WDR20: variants seen among roughly 807,000 people sequenced by gnomAD.
The protein encoded by WDR20 is WD repeat domain 20.
A neutral mutation model predicts 38.7 loss-of-function variants in WDR20; 3 were observed. That is an observed-to-expected ratio of 0.08 (90% confidence interval 0.04 to 0.20). The LOEUF (loss-of-function observed/expected upper bound fraction) is 0.20, where lower values mean the gene tolerates loss of function less well. Among genes scored for constraint, WDR20 ranks in the 10% least tolerant of loss-of-function variants. The pLI is 1.00. For missense variants in WDR20, 559 were observed against 727.7 expected, an observed-to-expected ratio of 0.77 and a Z score of 2.67; for synonymous variants, 298 against 285.6, an observed-to-expected ratio of 1.04 and a Z score of -0.44.
chr14:102,170,938 T>A (rs1004067386), intron 1 of WDR20, among the ~76,000 whole-genome samples: 1 of 152,032 alleles, frequency 6.6e-6, no homozygotes, highest in Non-Finnish European at 1.5e-5. Flanking sequence ...TCCTCCTCCT[T>A]GGGAAATTTC....
intron 1 of WDR20, chr14:102,167,282 A>T (rs745804964): frequency 6.6e-6 from 1 of 152,164 alleles, no homozygotes; most frequent in Non-Finnish European, 1.5e-5. Flanking sequence ...CTGCAGTCAT[A>T]GCCCACCGGT....
At chr14:102,178,486 C>T (rs1189038923) in intron 1 of WDR20, among the ~76,000 whole-genome samples, 1 of 152,050 alleles carries the variant, frequency 6.6e-6, no homozygotes, top group Non-Finnish European at 1.5e-5. Flanking sequence ...TCTTCTCCCT[C>T]TCTTCCCTTA....
chr14:102,181,206 T>C (rs1048749908), intron 1 of WDR20, among the ~76,000 whole-genome samples: 3 of 152,166 alleles, frequency 2.0e-5, no homozygotes, highest in African/African-American at 7.2e-5. Flanking sequence ...CTGTAGTTCA[T>C]GGCACTGTGT....
At chr14:102,153,241 C>G (rs1401326567) in intron 1 of WDR20, among the ~76,000 whole-genome samples, 2 of 151,802 alleles carry the variant, frequency 1.3e-5, no homozygotes, top group Non-Finnish European at 2.9e-5. Context: ...TCACTAGAAG[C>G]TGAGTAGATG....
At chr14:102,183,786 A>G (rs2063915722) in intron 1 of WDR20, among the ~76,000 whole-genome samples, 1 of 152,192 alleles carries the variant, frequency 6.6e-6, no homozygotes, top group African/African-American at 2.4e-5. Flanking sequence ...GAAATTTAAA[A>G]TCATTTATGT....
chr14:102,197,235 A>G (rs1170910194), intron 2 of WDR20, among the ~76,000 whole-genome samples: 4 of 152,052 alleles, frequency 2.6e-5, no homozygotes, highest in African/African-American at 9.7e-5. Context: ...AATTCCAGAA[A>G]CTCATTGGTT....
At chr14:102,140,229 G>A (rs1474334598) in intron 1 of WDR20, 57 bp downstream of exon 1, 2 of 1,596,184 alleles carry the variant, frequency 1.3e-6, no homozygotes, top group Non-Finnish European at 1.7e-6. Flanking sequence ...GCCGGGAGCA[G>A]GGCGGTGACA....
intron 1 of WDR20, among the ~76,000 whole-genome samples, chr14:102,153,517 A>T (rs975419703): frequency 6.6e-6 from 1 of 152,006 alleles, no homozygotes; most frequent in South Asian, 2.1e-4. Flanking sequence ...CATGTTAGCC[A>T]GGATGGTCTC....
intron 2 of WDR20, among the ~76,000 whole-genome samples, chr14:102,205,804 GT>G (rs75426082): frequency 1.8e-3 from 253 of 139,904 alleles, no homozygotes; most frequent in Admixed American, 1.7e-3. Flanking sequence ...TCCAAGGTCG[GT>G]TTTTTTTTTT....
intron 1 of WDR20, among the ~76,000 whole-genome samples, chr14:102,183,060 C>G (rs909979892): frequency 2.0e-5 from 3 of 151,706 alleles, no homozygotes; most frequent in Non-Finnish European, 4.4e-5. Flanking sequence ...CTCTCCGTCT[C>G]AGAGAGAGAG....
Position 102,222,053 on chromosome 14 carries a change from C to T in WDR20, c.1693-777C>T, listed in dbSNP as rs1039011093. ...AAACCCTCTTAGGTTTACCCAAGGT[C>T]ACACCAGTATTGTAAAATCTGGGTG... On this transcript the variant is annotated intron_variant, in intron 3 of 3. Transcript: ENST00000335263. The surrounding 1 kb of genome is among the most constrained non-coding windows in gnomAD (Gnocchi z 4.4). Among the ~76,000 whole-genome samples the T allele has an allele frequency of 4.6e-5, 7 of 152,190 alleles. No individual in the cohort carries two copies. Among genetic ancestry groups the T allele is most frequent in the African/African-American group, 1.4e-4 (6 of 41,436 alleles).
Position 102,185,124 on chromosome 14 carries a change from A to G in WDR20, c.250-9814A>G, listed in dbSNP as rs546305390. 2.6e-5 allele frequency among the ~76,000 whole-genome samples: 4 copies of G among 152,304 alleles called. No homozygotes were observed. The East Asian group carries it at 7.7e-4, about 29-fold the overall frequency. On this transcript the variant is annotated intron_variant, in intron 1 of 2. Transcript: ENST00000342702. ...CTTCTGCAGGAAATTTAGGGCAGAA[A>G]GAAACATCTCTGTTTTTCCTTATGT...
intron 2 of WDR20, chr14:102,197,878 G>A (rs536617052): frequency 2.3e-5 from 16 of 693,204 alleles, no homozygotes; most frequent in Admixed American, 1.6e-4. Flanking sequence ...CTAGAGTTGC[G>A]GCCATTGTTT....
chr14:102,146,577 T>G (rs1289726509), intron 1 of WDR20, among the ~76,000 whole-genome samples: 1 of 152,184 alleles, frequency 6.6e-6, no homozygotes, highest in Non-Finnish European at 1.5e-5. Context: ...TGGGTTGACT[T>G]GAGAGAGAAT....
intron 1 of WDR20, among the ~76,000 whole-genome samples, chr14:102,165,373 C>T (rs1225094505): frequency 6.6e-6 from 1 of 152,062 alleles, no homozygotes; most frequent in Non-Finnish European, 1.5e-5. Context: ...TTCAAAGAGT[C>T]AGCTAGTATC....
At chr14:102,215,539 G>A (rs1389692043), downstream of WDR20, among the ~76,000 whole-genome samples, 1 of 152,140 alleles carries the variant, frequency 6.6e-6, no homozygotes, top group African/African-American at 2.4e-5. Context: ...GTGCCACGGT[G>A]GTTTGTTGCG....
chr14:102,222,919 TGGACTCGAG>T lies in WDR20; in HGVS notation c.*40_*48del. ...GCTGCGCGCACAGTCTCCCGGGACT[TGGACTCGAG>T]GGAGTGACGAGGAGGAGCTCCGAGC... On this transcript the variant is annotated 3_prime_UTR_variant, in exon 4 of 4. Coordinates refer to the WDR20 transcript ENST00000335263. The surrounding 1 kb of genome is among the most constrained non-coding windows in gnomAD (Gnocchi z 4.4). 1 of 1,613,188 alleles carries T rather than the reference TGGACTCGAG, an allele frequency of 6.2e-7. No individual in the cohort carries two copies. Among genetic ancestry groups the T allele is most frequent in the Non-Finnish European group, 8.5e-7 (1 of 1,179,434 alleles).
At chr14:102,212,416 G>C, downstream of WDR20, 1 of 1,253,120 alleles carries the variant, frequency 8.0e-7, no homozygotes. Flanking sequence ...GCCTTTGACT[G>C]CATGTCCTGA....
chr14:102,214,692 C>T (rs1023882447), downstream of WDR20: 26 of 982,574 alleles, frequency 2.6e-5, no homozygotes, highest in South Asian at 4.7e-5. Context: ...AAGTAAAATT[C>T]ACATGTATTT....
Sources: gnomAD v4.1 joint callset for allele counts (sites outside exome capture counted in the v4.1 genomes callset) on GRCh38, gnomAD v4.1.1 for gene constraint, Gnocchi (gnomAD v3.1) non-coding constraint, MANE v1.5 for transcripts, NCBI Gene and HGNC (gene_info 2026-07-23, HGNC 2026-07-21) for gene names.